The following MACROD2 variants were observed in gnomAD, a reference collection of about 807,000 sequenced individuals.
MACROD2 encodes the protein ADP-ribose glycohydrolase MACROD2.
MACROD2 carries 36 observed loss-of-function variants against 70.4 expected under a neutral mutation model. The observed-to-expected ratio is 0.51, with a 90% CI of 0.39 to 0.68. The LOEUF is 0.68. MACROD2 is among the 30% of genes least tolerant of loss of function. The pLI is 0.00. For missense variants in MACROD2, 496 were observed against 538.4 expected (o/e 0.92, Z 0.78); for synonymous variants, 172 against 178.8 (o/e 0.96, Z 0.30).
intron 4 of MACROD2, among the ~76,000 whole-genome samples, chr20:14,581,847 G>A (rs1395776885): frequency 6.6e-6 from 1 of 152,158 alleles, no homozygotes; most frequent in Non-Finnish European, 1.5e-5. Flanking sequence ...TGGGAGTCAG[G>A]TAGTCCAGTG....
At chr20:14,409,067 G>A (rs1477200379) in intron 3 of MACROD2, among the ~76,000 whole-genome samples, 2 of 151,106 alleles carry the variant, frequency 1.3e-5, no homozygotes, top group Non-Finnish European at 2.9e-5. Context: ...ACCTGTTTTT[G>A]TCTCCTGTTT....
intron 5 of MACROD2, among the ~76,000 whole-genome samples, chr20:14,805,459 A>G (rs570521934): frequency 6.6e-6 from 1 of 152,078 alleles, no homozygotes; most frequent in Non-Finnish European, 1.5e-5. Flanking sequence ...GCTAGACACC[A>G]TATTAAAAGT....
intron 2 of MACROD2, among the ~76,000 whole-genome samples, chr20:14,057,329 AAAAC>A (rs1438655709): frequency 6.6e-6 from 1 of 152,212 alleles, no homozygotes; most frequent in Non-Finnish European, 1.5e-5. Context: ...TGATAAGAGA[AAAAC>A]AAAACAGTAA....
chr20:14,299,130 A>T (rs1349263366), intron 3 of MACROD2, among the ~76,000 whole-genome samples: 1 of 152,186 alleles, frequency 6.6e-6, no homozygotes, highest in Non-Finnish European at 1.5e-5. Context: ...TACTACAGAG[A>T]TACCTTCTGT....
At chr20:14,035,874 G>A (rs2034386098) in intron 2 of MACROD2, among the ~76,000 whole-genome samples, 3 of 152,262 alleles carry the variant, frequency 2.0e-5, no homozygotes, top group Non-Finnish European at 4.4e-5. Flanking sequence ...TGGGCGCGGT[G>A]GCTGACGCCT....
At chr20:15,770,849 A>C (rs557005982) in intron 8 of MACROD2, among the ~76,000 whole-genome samples, 1 of 152,204 alleles carries the variant, frequency 6.6e-6, no homozygotes, top group Admixed American at 6.5e-5. Context: ...CAAACAATAC[A>C]AACATAGGTC....
At chr20:14,269,275 A>G (rs1168455760) in intron 3 of MACROD2, among the ~76,000 whole-genome samples, 1 of 152,184 alleles carries the variant, frequency 6.6e-6, no homozygotes, top group Non-Finnish European at 1.5e-5. Context: ...TTATGTAGTG[A>G]CTTTTAATTT....
chr20:14,720,564 T>TTTTTTTG, intron 5 of MACROD2, among the ~76,000 whole-genome samples: 1 of 118,022 alleles, frequency 8.5e-6, no homozygotes, highest in African/African-American at 3.7e-5. Flanking sequence ...TTTTTTTTTT[T>TTTTTTTG]TTTTTTGTGA....
chr20:14,097,846 C>T (rs1401962278), intron 3 of MACROD2, among the ~76,000 whole-genome samples: 2 of 152,040 alleles, frequency 1.3e-5, no homozygotes, highest in African/African-American at 4.8e-5. Flanking sequence ...TATTTTTATA[C>T]AATATTTTAG....
intron 5 of MACROD2, among the ~76,000 whole-genome samples, chr20:15,066,697 T>A (rs1023126177): frequency 6.6e-6 from 1 of 151,756 alleles, no homozygotes; most frequent in Non-Finnish European, 1.5e-5. Flanking sequence ...CTGGCCAACA[T>A]GGTGAAACCC....
chr20:14,514,542 A>C (rs928859150), intron 4 of MACROD2, among the ~76,000 whole-genome samples: 1 of 152,122 alleles, frequency 6.6e-6, no homozygotes, highest in African/African-American at 2.4e-5. Context: ...ATTACGTTAG[A>C]CTACTGCATG....
chr20:14,370,265 A>G (rs185014115), intron 3 of MACROD2, among the ~76,000 whole-genome samples: 474 of 152,268 alleles, frequency 3.1e-3, no homozygotes, highest in Non-Finnish European at 5.4e-3. Context: ...TTAGCAGTTA[A>G]TGGAAGAAAA....
At chr20:15,508,165 A>G (rs1464261721) in intron 8 of MACROD2, among the ~76,000 whole-genome samples, 1 of 152,194 alleles carries the variant, frequency 6.6e-6, no homozygotes, top group African/African-American at 2.4e-5. Flanking sequence ...CTGCACTTGC[A>G]TATAATCAAT....
chr20:14,327,473 C>T (rs1403600769), intron 3 of MACROD2: 7 of 1,612,978 alleles, frequency 4.3e-6, no homozygotes, highest in East Asian at 2.2e-5. Flanking sequence ...ATTTTAGTCC[C>T]GATGAGGAAG....
chr20:14,305,879 T>C (rs1372551853), intron 3 of MACROD2, among the ~76,000 whole-genome samples: 2 of 152,042 alleles, frequency 1.3e-5, no homozygotes, highest in Non-Finnish European at 2.9e-5. Context: ...TTTTGGATCC[T>C]GTTCCATTCT....
At chr20:15,111,177 GTTT>G (rs11482162) in intron 5 of MACROD2, among the ~76,000 whole-genome samples, 2 of 140,804 alleles carry the variant, frequency 1.4e-5, no homozygotes, top group Admixed American at 7.0e-5. Flanking sequence ...GTTTTTGTTT[GTTT>G]TTTTTTTTTT....
chr20:15,627,228 C>CAA (rs33936061), intron 8 of MACROD2, among the ~76,000 whole-genome samples: 27 of 93,956 alleles, frequency 2.9e-4, no homozygotes, highest in East Asian at 1.1e-3. Flanking sequence ...AAAAGATTAC[C>CAA]AAAAAAAAAA....
chr20:14,097,837 AT>A (rs1273594900), intron 3 of MACROD2, among the ~76,000 whole-genome samples: 1 of 152,170 alleles, frequency 6.6e-6, no homozygotes, highest in Non-Finnish European at 1.5e-5. Context: ...GCCTGAAGGT[AT>A]TTTTATACAA....
intron 12 of MACROD2, among the ~76,000 whole-genome samples, chr20:15,951,985 C>T (rs935333143): frequency 4.6e-5 from 7 of 152,012 alleles, no homozygotes; most frequent in Admixed American, 2.0e-4. Context: ...GGGAGGGACC[C>T]GGTGGGAGGT....
Sources: gnomAD v4.1 joint callset for allele counts (sites outside exome capture counted in the v4.1 genomes callset) on GRCh38, gnomAD v4.1.1 for gene constraint, MANE v1.5 for transcripts, NCBI Gene and HGNC (gene_info 2026-07-23, HGNC 2026-07-21) for gene names.